NPSR1: variants seen among roughly 807,000 people sequenced by gnomAD.
NPSR1 encodes neuropeptide S receptor 1.
A neutral mutation model predicts 46.9 loss-of-function variants in NPSR1; 48 were observed. The ratio of observed to expected loss-of-function variants is 1.02; its 90% CI spans 0.81 to 1.30. The LOEUF (loss-of-function observed/expected upper bound fraction) is 1.30. Ranked by LOEUF, NPSR1 falls within the 50% of genes most tolerant of loss-of-function variation. The probability of loss-of-function intolerance (pLI) is 0.00; values close to 1 mark genes in which losing one functional copy is unlikely to be tolerated. For synonymous variants in NPSR1, 176 were observed against 168.1 expected (o/e 1.05, Z -0.36); for missense variants, 450 against 449.5 (o/e 1.00, Z -0.01).
At chr7:34,790,761 TTATATATAA>T (rs1352338368) in intron 3 of NPSR1, among the ~76,000 whole-genome samples, 2 of 129,078 alleles carry the variant, frequency 1.5e-5, no homozygotes, top group Non-Finnish European at 1.7e-5. Context: ...ATGTTATATG[TTATATATAA>T]TATATGTTAT....
At chr7:34,827,331 T>C (rs755266730) in intron 4 of NPSR1, 70 bp from the exon 5 acceptor site, 32 of 1,348,480 alleles carry the variant, frequency 2.4e-5, no homozygotes, top group Non-Finnish European at 3.4e-5. Context: ...TCCTTTTCTA[T>C]AGCAGACTCC....
intron 2 of NPSR1, among the ~76,000 whole-genome samples, chr7:34,726,369 G>A (rs1291918151): frequency 6.6e-6 from 1 of 152,200 alleles, no homozygotes; most frequent in East Asian, 1.9e-4. Flanking sequence ...CCAAATGCTG[G>A]TGGGGCTGTG....
In NPSR1 at chr7:34,824,186, A is replaced by G. The variant is rs78243563; in HGVS notation, c.479-3215A>G. Among the ~76,000 whole-genome samples the G allele has an allele frequency of 3.3e-5, 5 of 152,280 alleles. No individual in the cohort carries two copies. In the East Asian group the frequency reaches 5.8e-4, roughly 18 times the overall value. Reference sequence around the variant, plus strand: ...CTTGACGTTTCTGGTTGGTGCCACTATGGATTTTTTTCCTTTTCGCTTATT... The same window carrying G: ...CTTGACGTTTCTGGTTGGTGCCACTGTGGATTTTTTTCCTTTTCGCTTATT... On this transcript the variant is annotated intron_variant, in intron 4 of 8. Transcript: ENST00000360581.
intron 5 of NPSR1, among the ~76,000 whole-genome samples, chr7:34,829,650 C>CT (rs1419439476): frequency 3.3e-5 from 5 of 152,166 alleles, no homozygotes; most frequent in Non-Finnish European, 7.3e-5. Context: ...AGCACATGGA[C>CT]CACGCAGCTC....
At chr7:34,743,270 TAC>T (rs1034923528) in intron 2 of NPSR1, among the ~76,000 whole-genome samples, 14 of 152,326 alleles carry the variant, frequency 9.2e-5, no homozygotes, top group African/African-American at 3.4e-4. Context: ...TCCGGGTTTT[TAC>T]AGTTTTGGGT....
At chr7:34,829,479 C>A (rs190221427) in intron 5 of NPSR1, among the ~76,000 whole-genome samples, 248 of 152,324 alleles carry the variant, frequency 1.6e-3, no homozygotes, top group African/African-American at 5.8e-3. Flanking sequence ...TGAGCCACAG[C>A]GGTCAGAGAG....
chr7:34,808,219 T>C (rs1271942425), intron 3 of NPSR1, among the ~76,000 whole-genome samples: 2 of 152,190 alleles, frequency 1.3e-5, no homozygotes, highest in East Asian at 1.9e-4. Flanking sequence ...GCCAAACTTT[T>C]ATTTTTGCCC....
chr7:34,856,471 A>G (rs1161499350), intron 8 of NPSR1, among the ~76,000 whole-genome samples: 2 of 151,678 alleles, frequency 1.3e-5, no homozygotes, highest in Non-Finnish European at 2.9e-5. Flanking sequence ...AAAATTTATT[A>G]CTCCTATGCA....
At chr7:34,864,721 C>G (rs555104114) in intron 8 of NPSR1, among the ~76,000 whole-genome samples, 1 of 151,900 alleles carries the variant, frequency 6.6e-6, no homozygotes, top group African/African-American at 2.4e-5. Context: ...GCATCTTGAA[C>G]AGATTATAAA....
chr7:34,809,364 CTTTTA>C (rs1213241905), intron 3 of NPSR1, among the ~76,000 whole-genome samples: 1 of 150,170 alleles, frequency 6.7e-6, no homozygotes, highest in Non-Finnish European at 1.5e-5. Context: ...TTTTTTCTAA[CTTTTA>C]TTTTAAGTTG....
intron 2 of NPSR1, among the ~76,000 whole-genome samples, chr7:34,692,131 C>A (rs1793295323): frequency 6.6e-6 from 1 of 151,692 alleles, no homozygotes. Context: ...CCTAAAAAAA[C>A]AAAACAAAAC....
In NPSR1 at chr7:34,869,607, G is replaced by A. The variant is rs187243059; in HGVS notation, c.1026-8469G>A. 2.9e-3 allele frequency among the ~76,000 whole-genome samples: 440 copies of A among 151,786 alleles called. 17 individuals are homozygous for A. The highest frequency in any genetic ancestry group is 0.01 in the African/African-American group (420 of 41,098). ...CCCGGACTTCCTATACCCTTGGGGC[G>A]AAAGTCTACACACATTATAGGCCTT... On this transcript the variant is annotated intron_variant, in intron 8 of 8. Transcript: ENST00000359791.
chr7:34,729,619 G>A (rs1436475982), intron 2 of NPSR1, among the ~76,000 whole-genome samples: 2 of 152,034 alleles, frequency 1.3e-5, no homozygotes, highest in African/African-American at 4.8e-5. Flanking sequence ...GGCCTAATAA[G>A]ACATGTAATT....
At chr7:34,725,124 C>G (rs1295817359) in intron 2 of NPSR1, among the ~76,000 whole-genome samples, 1 of 149,020 alleles carries the variant, frequency 6.7e-6, no homozygotes, top group African/African-American at 2.5e-5. Flanking sequence ...CACACACACA[C>G]AGACACACAC....
At chr7:34,764,624 A>C (rs1391918737) in intron 2 of NPSR1, among the ~76,000 whole-genome samples, 2 of 152,238 alleles carry the variant, frequency 1.3e-5, no homozygotes, top group East Asian at 3.8e-4. Context: ...CAAAAAACTT[A>C]AGTCAGTGTG....
intron 3 of NPSR1, among the ~76,000 whole-genome samples, chr7:34,811,558 G>A (rs1348294459): frequency 6.6e-6 from 1 of 152,082 alleles, no homozygotes; most frequent in Non-Finnish European, 1.5e-5. Context: ...CAGGCTTGAG[G>A]GTGGGGTCTT....
At position 34,751,814 on chromosome 7, in the gene NPSR1, T is replaced by G. The variant is rs1490876000; in HGVS notation, c.281-26648T>G. The G allele has an allele frequency of 4.4e-6, 7 of 1,586,310 alleles. No homozygotes were observed. The Admixed American group carries it at 6.7e-5, about 15-fold the overall frequency. On this transcript the variant is annotated intron_variant, in intron 2 of 8. Transcript: ENST00000360581. ...ATCTGGGCACAGATCACTGTGGGACTCTCTGCCAGTTGGTAAATGAGGGTC... is the reference window on the plus strand; with the variant it reads ...ATCTGGGCACAGATCACTGTGGGACGCTCTGCCAGTTGGTAAATGAGGGTC...
At chr7:34,766,949 C>A (rs1363733943) in intron 2 of NPSR1, among the ~76,000 whole-genome samples, 1 of 151,990 alleles carries the variant, frequency 6.6e-6, no homozygotes, top group East Asian at 1.9e-4. Context: ...CTTAAAATCA[C>A]AAAACTATAA....
At chr7:34,878,090 G>T in exon 9 of NPSR1, 1 of 1,605,586 alleles carries the variant, frequency 6.2e-7, no homozygotes, top group Middle Eastern at 1.7e-4. Context: ...ATCCGTCTCC[G>T]TCAGCTCCAG....
Sources: gnomAD v4.1 joint callset for allele counts (sites outside exome capture counted in the v4.1 genomes callset) on GRCh38, gnomAD v4.1.1 for gene constraint, MANE v1.5 for transcripts, NCBI Gene and HGNC (gene_info 2026-07-23, HGNC 2026-07-21) for gene names.